SPTLC3: variants seen among roughly 807,000 people sequenced by gnomAD.
The protein encoded by SPTLC3 is serine palmitoyltransferase 3.
A neutral mutation model predicts 59.3 loss-of-function variants in SPTLC3; 36 were observed. The observed-to-expected ratio is 0.61, with a 90% CI of 0.47 to 0.80. The LOEUF is 0.80. SPTLC3 is among the 30% of genes least tolerant of loss of function. The pLI, the probability that SPTLC3 is intolerant of heterozygous loss-of-function variation, is 0.00. For missense variants in SPTLC3, 625 were observed against 685.1 expected, an observed-to-expected ratio of 0.91 and a Z score of 0.98; for synonymous variants, 257 against 240.8, an observed-to-expected ratio of 1.07 and a Z score of -0.62.
In SPTLC3 at chr20:13,072,398, A is replaced by G. The variant is rs750160009; in HGVS notation, c.446A>G (p.Asn149Ser). 6.3e-7 allele frequency: 1 copy of G among 1,594,128 alleles called. No individual in the cohort carries two copies. Among genetic ancestry groups the G allele is most frequent in the African/African-American group, 1.4e-5 (1 of 73,534 alleles). Residue 149 changes from asparagine to serine, a missense_variant, in exon 3 of 12, where the codon AAC becomes AGC. Asn to Ser is a conservative substitution (Grantham distance 46). Transcript: ENST00000399002. ...DLMERVSDDY[N>S]WTFRFTGRVI... Reference sequence around the variant, plus strand: ...ATGGAGAGGGTATCAGACGACTATAACTGGACGTTTAGGTGAGAGAACTTC... The same window carrying G: ...ATGGAGAGGGTATCAGACGACTATAGCTGGACGTTTAGGTGAGAGAACTTC...
At chr20:13,065,416 C>T (rs4814198) in intron 2 of SPTLC3, among the ~76,000 whole-genome samples, 61,874 of 151,042 alleles carry the variant, frequency 0.41, 12,776 homozygotes, top group Middle Eastern at 0.57. Context: ...TACCTTTTTT[C>T]CTTCAATAGC....
intron 4 of SPTLC3, among the ~76,000 whole-genome samples, chr20:13,083,696 C>A (rs1468851532): frequency 6.6e-6 from 1 of 152,040 alleles, no homozygotes; most frequent in Non-Finnish European, 1.5e-5. Flanking sequence ...TTTTTTATTA[C>A]CAAGTTAATG....
intron 9 of SPTLC3, among the ~76,000 whole-genome samples, chr20:13,131,122 C>T (rs961810622): frequency 2.9e-5 from 3 of 102,852 alleles, no homozygotes; most frequent in African/African-American, 8.4e-5. Flanking sequence ...CAAACCACAC[C>T]GACTCCCCTG....
At chr20:13,061,413 G>A (rs539458082) in intron 2 of SPTLC3, among the ~76,000 whole-genome samples, 48 of 152,256 alleles carry the variant, frequency 3.2e-4, no homozygotes, top group Non-Finnish European at 5.9e-4. Flanking sequence ...CCACCTACCT[G>A]CTATTGTGCT....
At chr20:13,100,165 A>G (rs1989554465) in intron 6 of SPTLC3, among the ~76,000 whole-genome samples, 1 of 152,170 alleles carries the variant, frequency 6.6e-6, no homozygotes, top group Non-Finnish European at 1.5e-5. Flanking sequence ...GGATTTTTTA[A>G]TTCTCTGTAG....
At chr20:13,082,988 T>G (rs762046982) in intron 4 of SPTLC3, among the ~76,000 whole-genome samples, 1 of 152,200 alleles carries the variant, frequency 6.6e-6, no homozygotes, top group Admixed American at 6.5e-5. Flanking sequence ...AAAAGAACCA[T>G]GTGACAGAAA....
chr20:13,020,329 T>C (rs1985805138), intron 1 of SPTLC3, among the ~76,000 whole-genome samples: 3 of 146,160 alleles, frequency 2.1e-5, no homozygotes, highest in African/African-American at 5.1e-5. Flanking sequence ...CTGGGAAACA[T>C]GGCAAGACCC....
intron 1 of SPTLC3, among the ~76,000 whole-genome samples, chr20:13,012,880 A>G (rs994558696): frequency 5.9e-5 from 9 of 152,186 alleles, no homozygotes; most frequent in African/African-American, 1.9e-4. Flanking sequence ...AGAAGACTCA[A>G]ATTGAACCTT....
chr20:13,045,037 C>CACT (rs1987173325), intron 1 of SPTLC3, among the ~76,000 whole-genome samples: 1 of 147,712 alleles, frequency 6.8e-6, no homozygotes, highest in African/African-American at 2.5e-5. Context: ...ACACACACAC[C>CACT]CTACTGCACT....
intron 11 of SPTLC3, among the ~76,000 whole-genome samples, chr20:13,163,849 G>T (rs1169786396): frequency 6.6e-6 from 1 of 152,220 alleles, no homozygotes. Flanking sequence ...GGTTAAAAAG[G>T]CATGACCAAT....
chr20:13,072,585 A>G (rs936255617), intron 3 of SPTLC3, among the ~76,000 whole-genome samples, 175 bp downstream of exon 3: 1 of 152,182 alleles, frequency 6.6e-6, no homozygotes, highest in Non-Finnish European at 1.5e-5. Flanking sequence ...TAAAGTAATC[A>G]AGCAGCTGCC....
At chr20:13,091,603 G>A (rs988601492) in intron 5 of SPTLC3, among the ~76,000 whole-genome samples, 2 of 151,518 alleles carry the variant, frequency 1.3e-5, no homozygotes, top group South Asian at 4.2e-4. Flanking sequence ...GAAGAAGTAT[G>A]GCTGAGAAGG....
intron 8 of SPTLC3, among the ~76,000 whole-genome samples, chr20:13,122,919 T>G (rs2037899505): frequency 6.6e-6 from 1 of 152,214 alleles, no homozygotes; most frequent in African/African-American, 2.4e-5. Flanking sequence ...AACCTTAGAA[T>G]GTAACCCTGT....
chr20:13,088,965 T>G (rs1325261347), intron 4 of SPTLC3, among the ~76,000 whole-genome samples: 1 of 152,054 alleles, frequency 6.6e-6, no homozygotes, highest in Non-Finnish European at 1.5e-5. Context: ...CTAATAACTT[T>G]GGGGATAAAC....
intron 9 of SPTLC3, among the ~76,000 whole-genome samples, chr20:13,128,057 T>C (rs1371564434): frequency 6.6e-6 from 1 of 152,222 alleles, no homozygotes; most frequent in Non-Finnish European, 1.5e-5. Context: ...CATCCAGTTA[T>C]GAAGTGAGAA....
At chr20:13,145,465 AC>A (rs2038487751) in intron 9 of SPTLC3, among the ~76,000 whole-genome samples, 1 of 152,190 alleles carries the variant, frequency 6.6e-6, no homozygotes, top group African/African-American at 2.4e-5. Flanking sequence ...AAATTACAAA[AC>A]ACTGTTCAAA....
chr20:13,039,073 G>A (rs922802735), intron 1 of SPTLC3, among the ~76,000 whole-genome samples: 2 of 151,910 alleles, frequency 1.3e-5, no homozygotes, highest in Admixed American at 6.6e-5. Flanking sequence ...TTCCATATGC[G>A]CTTTAGAAAA....
chr20:13,084,475 A>G (rs1988942182), intron 4 of SPTLC3, among the ~76,000 whole-genome samples: 2 of 152,168 alleles, frequency 1.3e-5, no homozygotes, highest in South Asian at 4.1e-4. Context: ...CTCTAAACTT[A>G]CTAACTGTGT....
rs542995636 is a variant in SPTLC3 at position 13,068,680 on chromosome 20, G to T, written c.304-3576G>T. Among the ~76,000 whole-genome samples, 6 of 151,492 alleles carry T rather than the reference G, an allele frequency of 4.0e-5. No homozygotes were observed. The South Asian group carries it at 1.3e-3, about 32-fold the overall frequency. Reference sequence around the variant, plus strand: ...AATTGGCCCTCTCAGAAACATGTAGGTTACTGACCTTGTGTATCAGATCTG... The same window carrying T: ...AATTGGCCCTCTCAGAAACATGTAGTTTACTGACCTTGTGTATCAGATCTG... On this transcript the variant is annotated intron_variant, in intron 2 of 11. Transcript: ENST00000399002.
Sources: gnomAD v4.1 joint callset for allele counts (sites outside exome capture counted in the v4.1 genomes callset) on GRCh38, gnomAD v4.1.1 for gene constraint, MANE v1.5 for transcripts, NCBI Gene and HGNC (gene_info 2026-07-23, HGNC 2026-07-21) for gene names.